EIF2B3: variants seen among roughly 807,000 people sequenced by gnomAD.
EIF2B3 encodes the protein translation initiation factor eIF2B subunit gamma.
A neutral mutation model predicts 54.1 loss-of-function variants in EIF2B3; 20 were observed. The observed-to-expected ratio is 0.37, with a 90% CI of 0.26 to 0.54. The LOEUF is 0.54. EIF2B3 is among the 20% of genes least tolerant of loss of function. The pLI is 0.86. For missense variants in EIF2B3, 448 were observed against 547.8 expected, an observed-to-expected ratio of 0.82 and a Z score of 1.82; for synonymous variants, 153 against 188.1, an observed-to-expected ratio of 0.81 and a Z score of 1.52.
chr1:44,949,368 T>C (rs1187695406), intron 3 of EIF2B3, among the ~76,000 whole-genome samples: 1 of 152,250 alleles, frequency 6.6e-6, no homozygotes, highest in Non-Finnish European at 1.5e-5. Flanking sequence ...ATTACATATA[T>C]ATTTTTTCCA....
chr1:44,890,153 T>C lies in EIF2B3; in HGVS notation c.656+7202A>G, dbSNP rs554861509. The stretch of plus-strand genomic sequence containing the variant: ...TGGGAGATGGGCTAATTCCCTCTTT[T>C]TGGGATCCAGGATCTGATATAAAAA... On this transcript the variant is annotated intron_variant, in intron 6 of 11. Transcript: ENST00000360403. Among the ~76,000 whole-genome samples, 10 of 152,288 alleles carry C rather than the reference T, an allele frequency of 6.6e-5. No individual in the cohort carries two copies. In the South Asian group the frequency reaches 1.7e-3, roughly 25 times the overall value.
At chr1:44,978,863 C>G (rs1368095171) in intron 2 of EIF2B3, among the ~76,000 whole-genome samples, 1 of 151,546 alleles carries the variant, frequency 6.6e-6, no homozygotes, top group Non-Finnish European at 1.5e-5. Flanking sequence ...TCTCCAACTC[C>G]TGGGCTCAAA....
At chr1:44,874,569 T>G in intron 10 of EIF2B3, 109 bp downstream of exon 10, 15 of 1,221,662 alleles carry the variant, frequency 1.2e-5, no homozygotes, top group Non-Finnish European at 1.5e-5. Flanking sequence ...CCCTCTTGAT[T>G]AGCACTTTGC....
intron 1 of EIF2B3, among the ~76,000 whole-genome samples, chr1:44,981,649 T>C (rs1057421869): frequency 1.6e-4 from 25 of 151,972 alleles, no homozygotes; most frequent in African/African-American, 4.3e-4. Context: ...TCTTTGAAAA[T>C]ATTAGGCTGG....
At chr1:44,967,195 C>T (rs1236155225) in intron 3 of EIF2B3, among the ~76,000 whole-genome samples, 1 of 151,030 alleles carries the variant, frequency 6.6e-6, no homozygotes, top group Non-Finnish European at 1.5e-5. Context: ...GCTTGTAATC[C>T]CAGCACTTTG....
chr1:44,936,153 A>G (rs1165234243), intron 4 of EIF2B3, among the ~76,000 whole-genome samples: 1 of 152,122 alleles, frequency 6.6e-6, no homozygotes, highest in Non-Finnish European at 1.5e-5. Flanking sequence ...TTCCCCGCAC[A>G]GCCTTAGCTG....
At chr1:44,935,624 C>T (rs1329697389) in intron 4 of EIF2B3, among the ~76,000 whole-genome samples, 7 of 152,064 alleles carry the variant, frequency 4.6e-5, no homozygotes, top group African/African-American at 7.2e-5. Context: ...CTCAGCCTCC[C>T]GAGTAGCTGG....
chr1:44,900,628 A>C (rs1404974085), intron 5 of EIF2B3, among the ~76,000 whole-genome samples: 1 of 152,064 alleles, frequency 6.6e-6, no homozygotes, highest in Non-Finnish European at 1.5e-5. Flanking sequence ...TTGCACATCT[A>C]AATAACAGTT....
chr1:44,883,258 A>G (rs1286681292), intron 6 of EIF2B3, among the ~76,000 whole-genome samples: 1 of 151,982 alleles, frequency 6.6e-6, no homozygotes, highest in African/African-American at 2.4e-5. Flanking sequence ...TACAGTTTAT[A>G]GTTTAAATGA....
chr1:44,875,780 C>T (rs1655108101), intron 8 of EIF2B3, 85 bp from the exon 9 acceptor site: 4 of 1,057,462 alleles, frequency 3.8e-6, no homozygotes. Context: ...TCTCCCACTC[C>T]CCCTCCCCAC....
At chr1:44,876,683 C>T (rs188710918) in intron 8 of EIF2B3, among the ~76,000 whole-genome samples, 1 of 119,684 alleles carries the variant, frequency 8.4e-6, no homozygotes, top group Admixed American at 9.0e-5. Context: ...CCACGACCCC[C>T]TCTGGGAGGT....
chr1:44,907,781 C>T (rs1057127642), intron 5 of EIF2B3, among the ~76,000 whole-genome samples: 17 of 149,288 alleles, frequency 1.1e-4, no homozygotes, highest in African/African-American at 4.2e-4. Context: ...ATGCCAGCTA[C>T]TCGGTGGCTA....
intron 4 of EIF2B3, among the ~76,000 whole-genome samples, chr1:44,939,645 A>C (rs975603593): frequency 6.6e-6 from 1 of 152,188 alleles, no homozygotes; most frequent in African/African-American, 2.4e-5. Context: ...ATACAATTAT[A>C]AATTGTTAAA....
intron 5 of EIF2B3, among the ~76,000 whole-genome samples, chr1:44,911,780 A>T (rs913063311): frequency 5.3e-5 from 8 of 151,810 alleles, no homozygotes; most frequent in South Asian, 2.1e-4. Flanking sequence ...ATATGTATAC[A>T]TGTGCCATGC....
chr1:44,967,953 G>A (rs912643717), intron 3 of EIF2B3, among the ~76,000 whole-genome samples: 2 of 151,880 alleles, frequency 1.3e-5, no homozygotes, highest in Admixed American at 1.3e-4. Flanking sequence ...CAGGAGAATC[G>A]CTTGAACCTG....
At chr1:44,925,059 G>A (rs1643825189) in intron 5 of EIF2B3, 1 of 152,162 alleles carries the variant, frequency 6.6e-6, no homozygotes, top group African/African-American at 2.4e-5. Flanking sequence ...TGGAGAAACT[G>A]GGGCTCTTAT....
At chr1:44,918,027 C>G (rs1643663195) in intron 5 of EIF2B3, among the ~76,000 whole-genome samples, 1 of 150,306 alleles carries the variant, frequency 6.7e-6, no homozygotes, top group Non-Finnish European at 1.5e-5. Context: ...CCCGCCTCGG[C>G]CTCCCAAAGT....
intron 3 of EIF2B3, among the ~76,000 whole-genome samples, chr1:44,965,364 A>G (rs1468858445): frequency 6.6e-6 from 1 of 152,204 alleles, no homozygotes; most frequent in African/African-American, 2.4e-5. Context: ...ACATATCTGA[A>G]CACCACAGAA....
chr1:44,935,028 T>C (rs1295824834), intron 4 of EIF2B3, among the ~76,000 whole-genome samples: 2 of 152,266 alleles, frequency 1.3e-5, no homozygotes, highest in Admixed American at 6.5e-5. Context: ...TTTTCACTCA[T>C]GGTTCTGAAG....
Sources: allele counts gnomAD v4.1 joint callset (sites outside exome capture counted in the v4.1 genomes callset), GRCh38; gene constraint gnomAD v4.1.1; transcripts MANE v1.5; gene names NCBI Gene and HGNC (gene_info 2026-07-23, HGNC 2026-07-21).